ZNRF1: variants seen among roughly 807,000 people sequenced by gnomAD.
ZNRF1 encodes E3 ubiquitin-protein ligase ZNRF1.
A neutral mutation model predicts 18.4 loss-of-function variants in ZNRF1; 3 were observed. The observed-to-expected ratio is 0.16, with a 90% CI of 0.07 to 0.42. The LOEUF (loss-of-function observed/expected upper bound fraction) is 0.42. Ranked by LOEUF, ZNRF1 falls within the 10% of genes least tolerant of loss-of-function variation. ZNRF1 has a pLI of 0.99. For synonymous variants in ZNRF1, 157 were observed against 144.2 expected (o/e 1.09, Z -0.64); for missense variants, 310 against 329.8 (o/e 0.94, Z 0.47).
intron 2 of ZNRF1, among the ~76,000 whole-genome samples, chr16:75,095,997 C>T (rs553357445): frequency 1.3e-5 from 2 of 151,622 alleles, no homozygotes; most frequent in African/African-American, 4.9e-5. Context: ...CTAGTTTTTC[C>T]CTTGTCATGG....
intron 1 of ZNRF1, among the ~76,000 whole-genome samples, chr16:75,018,608 A>C (rs1410788148): frequency 6.6e-6 from 1 of 152,204 alleles, no homozygotes; most frequent in Non-Finnish European, 1.5e-5. Flanking sequence ...TATCACAAAC[A>C]GCAATTTTAT....
At position 75,104,796 on chromosome 16, in the gene ZNRF1, C is replaced by A. The variant is rs777207487; in HGVS notation, c.533C>A (p.Thr178Asn). ...GTCCCCCTTGCAGATGATGTGCTGA[C>A]TAAAGACGCGGGTGAGTGTGTGATC... ...PRLSYNDDVL[T>N]KDAGECVICL... is the part of the protein sequence containing the mutation. The change falls in exon 3 of 5, where the codon ACT (threonine) becomes AAT (asparagine). Residue 178 changes from threonine (T) to asparagine (N), a missense_variant. By Grantham distance (65) the Thr-to-Asn change is moderately conservative. Coordinates refer to ENST00000335325, the MANE Select transcript of ZNRF1 (RefSeq NM_032268.5). The A allele has an allele frequency of 9.3e-6, 15 of 1,607,104 alleles. No individual in the cohort carries two copies. In the South Asian group the frequency reaches 1.7e-4, roughly 18 times the overall value.
chr16:75,034,205 C>T (rs766158732), intron 1 of ZNRF1, among the ~76,000 whole-genome samples: 11 of 152,132 alleles, frequency 7.2e-5, no homozygotes, highest in Non-Finnish European at 1.3e-4. Context: ...ATGTACAGTT[C>T]AGTAGTGTTA....
intron 1 of ZNRF1, among the ~76,000 whole-genome samples, chr16:75,077,562 TAGA>T (rs1430659131): frequency 1.3e-5 from 2 of 152,288 alleles, no homozygotes; most frequent in East Asian, 1.9e-4. Context: ...GTTGATTTTT[TAGA>T]AGAACAGCCA....
chr16:74,999,419 T>G lies in ZNRF1; in HGVS notation c.-253T>G. 1.5e-5 allele frequency: 5 copies of G among 323,922 alleles called. No individual in the cohort carries two copies. Among genetic ancestry groups the G allele is most frequent in the Admixed American group, 5.0e-5 (1 of 20,190 alleles). The allele number at this position is 323,922 out of a possible 1,614,324, so 20.1% of individuals were successfully genotyped here. On this transcript the variant is annotated 5_prime_UTR_variant, in exon 1 of 5. Coordinates refer to ENST00000335325, the MANE Select transcript of ZNRF1 (RefSeq NM_032268.5). The stretch of plus-strand genomic sequence containing the variant: ...GGAGCCCGCGCCGGACTGCGCCTCT[T>G]TGGACCTTGAGGGGAAACATGCGTT...
At chr16:75,022,019 A>T (rs974111796) in intron 1 of ZNRF1, among the ~76,000 whole-genome samples, 1 of 152,056 alleles carries the variant, frequency 6.6e-6, no homozygotes, top group Non-Finnish European at 1.5e-5. Context: ...TATATGCTTT[A>T]CTATGGGTAA....
intron 1 of ZNRF1, among the ~76,000 whole-genome samples, chr16:75,065,796 C>T (rs2035796016): frequency 6.6e-6 from 1 of 152,156 alleles, no homozygotes; most frequent in Admixed American, 6.5e-5. Flanking sequence ...CGAAGTTTTA[C>T]CCTTTTCAGG....
At chr16:75,052,568 C>T (rs1359446617) in intron 1 of ZNRF1, among the ~76,000 whole-genome samples, 1 of 152,114 alleles carries the variant, frequency 6.6e-6, no homozygotes, top group Non-Finnish European at 1.5e-5. Flanking sequence ...TGAAAGTCCT[C>T]CTCCAGGTCA....
intron 2 of ZNRF1, among the ~76,000 whole-genome samples, chr16:75,101,458 G>T (rs1455889772): frequency 1.3e-5 from 2 of 152,054 alleles, no homozygotes; most frequent in South Asian, 4.1e-4. Context: ...GTAGGCTGAG[G>T]CAGGAGAAAC....
chr16:75,042,439 CTTTCT>C (rs2035460818), intron 1 of ZNRF1, among the ~76,000 whole-genome samples: 1 of 84,846 alleles, frequency 1.2e-5, no homozygotes, highest in African/African-American at 3.9e-5. Flanking sequence ...GTGTCTGTTT[CTTTCT>C]TTTTTTTTTT....
intron 1 of ZNRF1, among the ~76,000 whole-genome samples, chr16:75,043,217 T>C (rs2035472091): frequency 6.6e-6 from 1 of 152,222 alleles, no homozygotes; most frequent in African/African-American, 2.4e-5. Context: ...CCCTCAGCCC[T>C]GAGCTGTGGC....
At chr16:75,024,818 C>T (rs74861071) in intron 1 of ZNRF1, among the ~76,000 whole-genome samples, 2,085 of 152,310 alleles carry the variant, frequency 0.014, 34 homozygotes, top group African/African-American at 0.048. Flanking sequence ...CTGCTTCTTT[C>T]GTGGTCACAA....
At chr16:75,095,633 G>C in intron 2 of ZNRF1, 1 of 1,550,116 alleles carries the variant, frequency 6.5e-7, no homozygotes, top group African/African-American at 1.4e-5. Flanking sequence ...GGCTCAGCCT[G>C]AGAAAACCTG....
At chr16:75,063,883 T>C (rs750385020) in intron 1 of ZNRF1, among the ~76,000 whole-genome samples, 1 of 152,216 alleles carries the variant, frequency 6.6e-6, no homozygotes, top group Non-Finnish European at 1.5e-5. Context: ...CCTGTGTGTA[T>C]CTGCCCCCCT....
At chr16:75,035,365 T>A (rs1394149251) in intron 1 of ZNRF1, among the ~76,000 whole-genome samples, 1 of 152,190 alleles carries the variant, frequency 6.6e-6, no homozygotes, top group Non-Finnish European at 1.5e-5. Flanking sequence ...AAGTATACAT[T>A]TGATTTTTCT....
intron 2 of ZNRF1, among the ~76,000 whole-genome samples, chr16:75,098,218 G>A (rs2036221042): frequency 6.6e-6 from 1 of 152,134 alleles, no homozygotes; most frequent in African/African-American, 2.4e-5. Context: ...CCGCTGCTGG[G>A]TGTATGAGGA....
At chr16:75,000,131 G>T in intron 1 of ZNRF1, 36 bp downstream of exon 1, 1 of 1,573,760 alleles carries the variant, frequency 6.4e-7, no homozygotes, top group Non-Finnish European at 8.6e-7. Context: ...CGGAGGGAGG[G>T]CGCGCCGGGG....
chr16:75,000,608 G>C (rs2034835050), intron 1 of ZNRF1, among the ~76,000 whole-genome samples: 1 of 152,216 alleles, frequency 6.6e-6, no homozygotes, highest in Admixed American at 6.5e-5. Flanking sequence ...CCACCCTGCT[G>C]GAGATCTGTT....
chr16:75,092,347 C>T (rs754922161), intron 1 of ZNRF1, among the ~76,000 whole-genome samples: 37 of 152,058 alleles, frequency 2.4e-4, no homozygotes, highest in Non-Finnish European at 3.4e-4. Context: ...CCCCACCATT[C>T]GAGCCCATGT....
Sources: allele counts gnomAD v4.1 joint callset (sites outside exome capture counted in the v4.1 genomes callset), GRCh38; gene constraint gnomAD v4.1.1; transcripts MANE v1.5; gene names NCBI Gene and HGNC (gene_info 2026-07-23, HGNC 2026-07-21).